PSMA1: variants seen among roughly 807,000 people sequenced by gnomAD.
PSMA1 encodes proteasome subunit alpha type-1.
In PSMA1, 3 loss-of-function variants were observed where a neutral mutation model predicts 38.4. The observed-to-expected ratio is 0.08, with a 90% CI of 0.04 to 0.20. PSMA1 has a LOEUF of 0.20. PSMA1 is among the 10% of genes least tolerant of loss of function. The pLI, the probability that PSMA1 is intolerant of heterozygous loss-of-function variation, is 1.00. For synonymous variants in PSMA1, 101 were observed against 107.1 expected, an observed-to-expected ratio of 0.94 and a Z score of 0.35; for missense variants, 227 against 325.3, an observed-to-expected ratio of 0.70 and a Z score of 2.32.
chr11:14,589,392 T>C (rs1054446528), intron 2 of PSMA1, among the ~76,000 whole-genome samples: 15 of 150,906 alleles, frequency 9.9e-5, no homozygotes, highest in Non-Finnish European at 2.9e-5. Flanking sequence ...TGTATATATA[T>C]GTGTGTGTAT....
intron 1 of PSMA1, among the ~76,000 whole-genome samples, chr11:14,626,038 A>G (rs1421574880): frequency 6.6e-6 from 1 of 152,168 alleles, no homozygotes; most frequent in African/African-American, 2.4e-5. Context: ...GCAAATGCCA[A>G]TTCAAAAAAC....
intron 2 of PSMA1, among the ~76,000 whole-genome samples, chr11:14,607,236 A>T (rs1852654207): frequency 6.6e-6 from 1 of 152,204 alleles, no homozygotes; most frequent in Non-Finnish European, 1.5e-5. Flanking sequence ...TTTAGCTCTG[A>T]ACATTTCCCA....
At chr11:14,530,066 G>A (rs1216551849) in intron 2 of PSMA1, among the ~76,000 whole-genome samples, 1 of 152,176 alleles carries the variant, frequency 6.6e-6, no homozygotes, top group East Asian at 1.9e-4. Context: ...TACTTAATAA[G>A]TGCTACATTA....
At chr11:14,556,672 A>T (rs546347502) in intron 2 of PSMA1, among the ~76,000 whole-genome samples, 166 of 152,028 alleles carry the variant, frequency 1.1e-3, no homozygotes, top group Middle Eastern at 6.8e-3. Flanking sequence ...TTGAGAAAAA[A>T]TTTTTTTGAC....
At chr11:14,516,110 T>C (rs1319647641) in intron 4 of PSMA1, among the ~76,000 whole-genome samples, 1 of 151,330 alleles carries the variant, frequency 6.6e-6, no homozygotes, top group East Asian at 2.0e-4. Flanking sequence ...CTCGGGAGGC[T>C]GAGGCAGAAG....
chr11:14,553,962 C>A (rs1312913102), intron 2 of PSMA1, among the ~76,000 whole-genome samples: 4 of 152,122 alleles, frequency 2.6e-5, no homozygotes, highest in Non-Finnish European at 5.9e-5. Context: ...AGTCAGTTTT[C>A]TCCACAGGCA....
intron 1 of PSMA1, among the ~76,000 whole-genome samples, chr11:14,611,317 T>C (rs1385776687): frequency 6.6e-6 from 1 of 151,964 alleles, no homozygotes; most frequent in Non-Finnish European, 1.5e-5. Flanking sequence ...TGGAGGGAAA[T>C]ATCAAAAGTG....
At chr11:14,574,866 A>G (rs573660773) in intron 2 of PSMA1, among the ~76,000 whole-genome samples, 29 of 152,334 alleles carry the variant, frequency 1.9e-4, no homozygotes, top group Non-Finnish European at 3.8e-4. Flanking sequence ...CTTATACAGT[A>G]AATTGGTACC....
At chr11:14,568,484 T>C (rs1278682954) in intron 2 of PSMA1, among the ~76,000 whole-genome samples, 1 of 152,232 alleles carries the variant, frequency 6.6e-6, no homozygotes, top group Non-Finnish European at 1.5e-5. Context: ...GTGGCTGACA[T>C]TGCTAATCTA....
At chr11:14,600,892 T>A (rs527544872) in intron 2 of PSMA1, among the ~76,000 whole-genome samples, 1 of 152,298 alleles carries the variant, frequency 6.6e-6, no homozygotes, top group South Asian at 2.1e-4. Context: ...CAACATTTCT[T>A]TATTTCTGGC....
intron 7 of PSMA1, among the ~76,000 whole-genome samples, chr11:14,513,155 CT>C (rs1193592788): frequency 2.6e-5 from 4 of 152,176 alleles, no homozygotes; most frequent in Non-Finnish European, 5.9e-5. Context: ...ACTACACTGC[CT>C]TTTTATTTCT....
At chr11:14,518,923 C>T in intron 2 of PSMA1, 74 bp downstream of exon 2, 1 of 1,189,120 alleles carries the variant, frequency 8.4e-7, no homozygotes, top group Non-Finnish European at 1.2e-6. Context: ...CAAGCCTACG[C>T]TCTCACAAGT....
intron 2 of PSMA1, among the ~76,000 whole-genome samples, chr11:14,605,045 T>C (rs1852626351): frequency 6.6e-6 from 1 of 152,210 alleles, no homozygotes; most frequent in Admixed American, 6.5e-5. Context: ...GGTAGAAGAA[T>C]TTATTTTCTT....
At chr11:14,594,370 C>A (rs897118579) in intron 2 of PSMA1, among the ~76,000 whole-genome samples, 1 of 152,134 alleles carries the variant, frequency 6.6e-6, no homozygotes, top group Admixed American at 6.6e-5. Context: ...AGATCTACAT[C>A]TCTGCAGTAA....
chr11:14,518,012 C>G, intron 2 of PSMA1, 31 bp from the exon 3 acceptor site: 1 of 1,410,026 alleles, frequency 7.1e-7, no homozygotes, highest in Non-Finnish European at 9.7e-7. Context: ...AAACACACAT[C>G]TTAGAAGATC....
At chr11:14,591,000 CTG>C (rs1315557458) in intron 2 of PSMA1, among the ~76,000 whole-genome samples, 3 of 152,268 alleles carry the variant, frequency 2.0e-5, no homozygotes, top group African/African-American at 7.2e-5. Context: ...CACCACTGCA[CTG>C]TGGGAGCCCC....
rs548111248 is a variant in PSMA1 at position 14,626,529 on chromosome 11, A to G, written c.-165-15378T>C. ...TCTTATATATTAATCATACTTCATGATGTGTGTGCATGCACATCATGAAGT... is the reference window on the plus strand; with the variant it reads ...TCTTATATATTAATCATACTTCATGGTGTGTGTGCATGCACATCATGAAGT... On this transcript the variant is annotated intron_variant, in intron 1 of 10. Transcript: ENST00000418988. 2.0e-5 allele frequency among the ~76,000 whole-genome samples: 3 copies of G among 152,290 alleles called. No individual in the cohort carries two copies. The South Asian group carries it at 6.2e-4, about 32-fold the overall frequency.
intron 7 of PSMA1, chr11:14,513,365 A>T: frequency 2.1e-6 from 1 of 483,616 alleles, no homozygotes; most frequent in Non-Finnish European, 3.2e-6. Context: ...AAAAAGTTCT[A>T]CTCGTGCTTG....
rs75207087 is a variant in PSMA1 at position 14,561,876 on chromosome 11, C to T, written c.22-42835G>A. Among the ~76,000 whole-genome samples, 878 of 150,196 alleles carry T rather than the reference C, an allele frequency of 5.8e-3. 10 individuals carry two copies. The highest frequency in any genetic ancestry group is 0.02 in the African/African-American group (826 of 40,886). On this transcript the variant is annotated intron_variant, in intron 2 of 10. Transcript: ENST00000418988. ...AAACTAAACTAAACTATAAACTAAA[C>T]GAAATAAAGGGCAGTGTTGAAGCTA... is the stretch of plus-strand genomic sequence containing the variant.
Sources: allele counts gnomAD v4.1 joint callset (sites outside exome capture counted in the v4.1 genomes callset), GRCh38; gene constraint gnomAD v4.1.1; transcripts MANE v1.5; gene names NCBI Gene and HGNC (gene_info 2026-07-23, HGNC 2026-07-21).